Variants in RALYL observed in about 807,000 individuals in gnomAD.
RALYL encodes RNA-binding Raly-like protein.
RALYL carries 29 observed loss-of-function variants against 35.1 expected under a neutral mutation model. That is an observed-to-expected ratio of 0.83 (90% CI 0.61 to 1.13). The LOEUF is 1.13. Among genes scored for constraint, RALYL ranks in the 50% most tolerant of loss-of-function variants. The probability of loss-of-function intolerance (pLI) is 0.00; values close to 1 mark genes in which losing one functional copy is unlikely to be tolerated. For missense variants in RALYL, 359 were observed against 360.4 expected (o/e 1.00, Z 0.03); for synonymous variants, 120 against 127.6 (o/e 0.94, Z 0.40).
Position 84,786,479 on chromosome 8 carries a change from C to T in RALYL, c.332+11825C>T, listed in dbSNP as rs181495716. Among the ~76,000 whole-genome samples, 64 of 152,236 alleles carry T rather than the reference C, an allele frequency of 4.2e-4. No individual in the cohort carries two copies. The East Asian group carries it at 7.1e-3, about 17-fold the overall frequency. On this transcript the variant is annotated intron_variant, in intron 3 of 8. Coordinates refer to ENST00000521268, the MANE Select transcript of RALYL (RefSeq NM_173848.7). ...AAGAGTTCTTATTTCTCCACAGCCT[C>T]GCCAGCATCTGTTGTTTCTTGTTTT...
At chr8:84,439,341 T>C (rs2048083683) in intron 1 of RALYL, among the ~76,000 whole-genome samples, 1 of 152,124 alleles carries the variant, frequency 6.6e-6, no homozygotes, top group Admixed American at 6.6e-5. Context: ...TCCCTTTTTT[T>C]CTGATGTGTT....
At chr8:84,889,358 G>A (rs934640052) in intron 8 of RALYL, among the ~76,000 whole-genome samples, 1 of 152,036 alleles carries the variant, frequency 6.6e-6, no homozygotes, top group Non-Finnish European at 1.5e-5. Context: ...CATTTACAAT[G>A]GTTACTTCTC....
intron 1 of RALYL, among the ~76,000 whole-genome samples, chr8:84,313,245 C>A (rs1169743930): frequency 6.6e-6 from 1 of 152,214 alleles, no homozygotes; most frequent in Non-Finnish European, 1.5e-5. Flanking sequence ...CCCACGAAAC[C>A]ATTTTTTCCT....
chr8:84,395,221 A>G (rs1158232375), intron 1 of RALYL, among the ~76,000 whole-genome samples: 2 of 151,846 alleles, frequency 1.3e-5, no homozygotes, highest in African/African-American at 4.8e-5. Context: ...TGTAGTGAAG[A>G]TTTAGGCTTA....
intron 2 of RALYL, among the ~76,000 whole-genome samples, chr8:84,623,266 C>T (rs1023439160): frequency 2.0e-4 from 31 of 152,106 alleles, no homozygotes; most frequent in African/African-American, 7.0e-4. Context: ...GTCATGTTAT[C>T]GTGACACATT....
At chr8:84,688,263 T>A (rs1048592566) in intron 2 of RALYL, among the ~76,000 whole-genome samples, 4 of 152,096 alleles carry the variant, frequency 2.6e-5, no homozygotes, top group Admixed American at 2.6e-4. Flanking sequence ...TAATCTAGAA[T>A]GTTAGGTGAC....
chr8:84,716,177 A>G (rs1300171220), intron 2 of RALYL, among the ~76,000 whole-genome samples: 1 of 152,156 alleles, frequency 6.6e-6, no homozygotes, highest in Non-Finnish European at 1.5e-5. Context: ...TAGGCTCCAC[A>G]GGCAATGGGA....
intron 8 of RALYL, among the ~76,000 whole-genome samples, chr8:84,917,703 A>T (rs1273235462): frequency 6.6e-6 from 1 of 151,814 alleles, no homozygotes; most frequent in Non-Finnish European, 1.5e-5. Context: ...CTAATGGAGC[A>T]GTTTCCTCCA....
rs565585096 is a variant in RALYL, at chr8:84,494,647, C to G, written c.-23-34652C>G. 3.0e-4 allele frequency among the ~76,000 whole-genome samples: 46 copies of G among 152,098 alleles called. 1 individual carries two copies. Among genetic ancestry groups the G allele is most frequent in the Non-Finnish European group, 6.0e-4 (41 of 67,976 alleles). ...TAGCTGTATTCCTAGATATTTTATTCTCTTTGTAGCAATCATGAATAGTAA... is the reference window on the plus strand; with the variant it reads ...TAGCTGTATTCCTAGATATTTTATTGTCTTTGTAGCAATCATGAATAGTAA... On this transcript the variant is annotated intron_variant, in intron 1 of 8. Transcript: ENST00000521268.
intron 1 of RALYL, among the ~76,000 whole-genome samples, chr8:84,367,336 T>A (rs1204569733): frequency 1.9e-4 from 12 of 62,564 alleles, no homozygotes; most frequent in African/African-American, 8.3e-4. Context: ...TTTTTTTTTT[T>A]TTTTTTTTTT....
At chr8:84,423,530 G>A (rs370518472) in intron 1 of RALYL, among the ~76,000 whole-genome samples, 1 of 151,970 alleles carries the variant, frequency 6.6e-6, no homozygotes, top group African/African-American at 2.4e-5. Context: ...CTTTTAATTG[G>A]AGAATTTAGT....
At chr8:84,467,131 T>C (rs987275505) in intron 1 of RALYL, among the ~76,000 whole-genome samples, 24 of 152,296 alleles carry the variant, frequency 1.6e-4, no homozygotes, top group Non-Finnish European at 2.6e-4. Flanking sequence ...GTTTTTTGTG[T>C]CACTATTTCC....
intron 1 of RALYL, among the ~76,000 whole-genome samples, chr8:84,336,166 C>T (rs1026532850): frequency 8.5e-5 from 13 of 152,142 alleles, no homozygotes; most frequent in African/African-American, 2.4e-4. Flanking sequence ...TCTCAGTCCA[C>T]AGTTCTTGGA....
intron 1 of RALYL, among the ~76,000 whole-genome samples, chr8:84,214,897 T>C (rs534543226): frequency 2.9e-4 from 44 of 151,918 alleles, no homozygotes; most frequent in African/African-American, 1.0e-3. Flanking sequence ...ATTTTTTTTT[T>C]AATTTTTATA....
rs186414654 is a variant in RALYL at position 84,671,752 on chromosome 8, C to T, written c.257-102827C>T. The stretch of plus-strand genomic sequence containing the variant: ...GCAGTGGGGGCCTGGGCCCAGCCCA[C>T]GAAACCATTTTTTCCTTCTAGGCCT... On this transcript the variant is annotated intron_variant, in intron 2 of 8. Coordinates refer to ENST00000521268, the MANE Select transcript of RALYL (RefSeq NM_173848.7). 1.2e-3 allele frequency among the ~76,000 whole-genome samples: 183 copies of T among 152,290 alleles called. 2 individuals carry two copies. The highest frequency in any genetic ancestry group is 4.0e-3 in the African/African-American group (168 of 41,566).
intron 4 of RALYL, among the ~76,000 whole-genome samples, chr8:84,838,545 A>G (rs1229909498): frequency 6.6e-6 from 1 of 152,230 alleles, no homozygotes; most frequent in East Asian, 1.9e-4. Context: ...ATGATTACCA[A>G]GACAGGTCTG....
At chr8:84,655,683 T>A (rs1588800110) in intron 2 of RALYL, among the ~76,000 whole-genome samples, 2 of 150,468 alleles carry the variant, frequency 1.3e-5, no homozygotes, top group South Asian at 4.4e-4. Flanking sequence ...CTGATGATAA[T>A]CCCTTGTCAA....
chr8:84,906,059 T>G (rs894303325), intron 8 of RALYL, among the ~76,000 whole-genome samples: 11 of 151,648 alleles, frequency 7.3e-5, no homozygotes, highest in Non-Finnish European at 1.5e-4. Flanking sequence ...CCAATTCCCC[T>G]ACATTGTATT....
intron 4 of RALYL, chr8:84,828,536 A>T (rs1444270528): frequency 6.4e-6 from 1 of 155,582 alleles, no homozygotes; most frequent in Admixed American, 6.5e-5. Context: ...GCTTTGTAGG[A>T]TTAGCTCCTT....
Sources: allele counts gnomAD v4.1 joint callset (sites outside exome capture counted in the v4.1 genomes callset), GRCh38; gene constraint gnomAD v4.1.1; transcripts MANE v1.5; gene names NCBI Gene and HGNC (gene_info 2026-07-23, HGNC 2026-07-21).